Variants in LGR4 observed in about 807,000 individuals in gnomAD.
LGR4 encodes leucine-rich repeat-containing G protein-coupled receptor 4.
A neutral mutation model predicts 84.8 loss-of-function variants in LGR4; 44 were observed. That is an observed-to-expected ratio of 0.52 (90% CI 0.41 to 0.67). LGR4 has a LOEUF of 0.67. LGR4 is among the 30% of genes least tolerant of loss of function. LGR4 has a pLI of 0.00. For missense variants in LGR4, 1,032 were observed against 1,131.4 expected, an observed-to-expected ratio of 0.91 and a Z score of 1.26; for synonymous variants, 429 against 434.3, an observed-to-expected ratio of 0.99 and a Z score of 0.15.
chr11:27,445,453 G>A (rs144595465), intron 1 of LGR4, among the ~76,000 whole-genome samples: 3 of 152,144 alleles, frequency 2.0e-5, no homozygotes, highest in East Asian at 1.9e-4. Flanking sequence ...CTGTTATGAC[G>A]ATCAAGTAAA....
chr11:27,368,911 T>G lies in LGR4; in HGVS notation c.1812A>C (p.Arg604Ser). 1 of 1,614,188 alleles carries G rather than the reference T, an allele frequency of 6.2e-7. No homozygotes were observed. The highest frequency in any genetic ancestry group is 1.6e-4 in the Middle Eastern group (1 of 6,062). The change falls in exon 18 of 18, where the codon AGA (arginine) becomes AGC (serine). Residue 604 changes from arginine (R) to serine (S), a missense_variant. By Grantham distance (110) the Arg-to-Ser change is moderately radical. Coordinates refer to ENST00000379214, the MANE Select transcript of LGR4 (RefSeq NM_018490.5). ...CCCACCAAATGCCAAATTCAGCGAA[T>G]CTGCCCCAGGACACAGCATCAAGAA... is the stretch of plus-strand genomic sequence containing the variant. ...LTFLDAVSWGRFAEFGIWWET... is the reference protein window; with the variant it reads ...LTFLDAVSWGSFAEFGIWWET...
chr11:27,407,864 T>G (rs768596401), intron 2 of LGR4, among the ~76,000 whole-genome samples: 8 of 152,066 alleles, frequency 5.3e-5, no homozygotes, highest in Non-Finnish European at 1.2e-4. Flanking sequence ...AAACTTACTC[T>G]CAAATGGTTC....
At chr11:27,412,283 CTAGACAGTGT>C (rs1208051265) in intron 2 of LGR4, among the ~76,000 whole-genome samples, 1 of 152,074 alleles carries the variant, frequency 6.6e-6, no homozygotes, top group Admixed American at 6.6e-5. Context: ...TCTTAGAGAC[CTAGACAGTGT>C]TTCATGCCTT....
At chr11:27,461,836 ATTTTTTT>A (rs35205372) in intron 1 of LGR4, among the ~76,000 whole-genome samples, 2 of 76,580 alleles carry the variant, frequency 2.6e-5, no homozygotes, top group African/African-American at 5.2e-5. Flanking sequence ...TTGAGTTAGG[ATTTTTTT>A]TTTTTTTTTT....
At chr11:27,415,057 A>C (rs1466211719) in intron 1 of LGR4, among the ~76,000 whole-genome samples, 1 of 152,122 alleles carries the variant, frequency 6.6e-6, no homozygotes, top group Non-Finnish European at 1.5e-5. Context: ...TTACTAAGTC[A>C]CTCTCACGGG....
intron 1 of LGR4, among the ~76,000 whole-genome samples, chr11:27,414,374 C>T (rs535748028): frequency 6.6e-6 from 1 of 150,878 alleles, no homozygotes; most frequent in East Asian, 2.0e-4. Flanking sequence ...TGGAAGAGCA[C>T]TTTTGCTTGA....
intron 1 of LGR4, among the ~76,000 whole-genome samples, chr11:27,447,100 G>T (rs983674786): frequency 6.6e-6 from 1 of 151,888 alleles, no homozygotes; most frequent in Non-Finnish European, 1.5e-5. Flanking sequence ...CAAGTTAACG[G>T]GTGCAGCACA....
rs568639443 is a variant in LGR4, at chr11:27,388,052, C to T, written c.402-2584G>A. Among the ~76,000 whole-genome samples, 3 of 152,170 alleles carry T rather than the reference C, an allele frequency of 2.0e-5. No individual in the cohort carries two copies. In the South Asian group the frequency reaches 6.2e-4, roughly 32 times the overall value. On this transcript the variant is annotated intron_variant, in intron 4 of 17. Coordinates refer to ENST00000379214, the MANE Select transcript of LGR4 (RefSeq NM_018490.5). ...TTCTATACAAAATAGCATAATACAA[C>T]AATAAAAGCATGGATACAATTTCCT... is the stretch of plus-strand genomic sequence containing the variant.
chr11:27,465,312 G>A (rs947651881), intron 1 of LGR4, among the ~76,000 whole-genome samples: 1 of 152,204 alleles, frequency 6.6e-6, no homozygotes, highest in African/African-American at 2.4e-5. Context: ...TATTAGAAAG[G>A]CATTGCTGAA....
chr11:27,459,315 G>C (rs80235178), intron 1 of LGR4, among the ~76,000 whole-genome samples: 2,875 of 152,106 alleles, frequency 0.019, 86 homozygotes, highest in African/African-American at 0.065. Context: ...AGAAACTCAG[G>C]CTCGAGTAAC....
At chr11:27,448,520 G>T (rs1395619245) in intron 1 of LGR4, among the ~76,000 whole-genome samples, 1 of 152,030 alleles carries the variant, frequency 6.6e-6, no homozygotes, top group South Asian at 2.1e-4. Context: ...TCGAACTCCC[G>T]ACCTCAGGTG....
intron 17 of LGR4, among the ~76,000 whole-genome samples, chr11:27,371,363 T>G (rs1388715583): frequency 2.0e-5 from 3 of 152,190 alleles, no homozygotes; most frequent in Non-Finnish European, 2.9e-5. Context: ...GCCTCTGAAA[T>G]TCTAACGTGT....
At position 27,386,455 on chromosome 11, in the gene LGR4, A is replaced by G. The variant is rs547381937; in HGVS notation, c.402-987T>C. Among the ~76,000 whole-genome samples, 7 of 152,284 alleles carry G rather than the reference A, an allele frequency of 4.6e-5. 1 individual carries two copies. The Middle Eastern group carries it at 0.02, about 444-fold the overall frequency. The stretch of plus-strand genomic sequence containing the variant: ...TTACATTCATGCCTCACAGCCTTGG[A>G]CTTCTTTGTGAAAATTACAGAACAG... On this transcript the variant is annotated intron_variant, in intron 4 of 17. Coordinates refer to ENST00000379214, the MANE Select transcript of LGR4 (RefSeq NM_018490.5).
chr11:27,471,983 C>G (rs1864881475), intron 1 of LGR4, 135 bp downstream of exon 1: 2 of 540,976 alleles, frequency 3.7e-6, no homozygotes, highest in African/African-American at 4.0e-5. Context: ...CGCAGGTGAC[C>G]GGCGGACCCC....
chr11:27,471,253 GTCTC>G (rs1565104510), intron 1 of LGR4, among the ~76,000 whole-genome samples: 3 of 152,342 alleles, frequency 2.0e-5, no homozygotes, highest in Admixed American at 2.0e-4. Context: ...ATTTCAGTGT[GTCTC>G]TCGATCTCAG....
chr11:27,434,025 T>A (rs1016812000), intron 1 of LGR4, among the ~76,000 whole-genome samples: 1 of 152,224 alleles, frequency 6.6e-6, no homozygotes, highest in African/African-American at 2.4e-5. Flanking sequence ...ATATCTCCCC[T>A]ACCTCAGGGC....
At chr11:27,373,715 A>C in intron 14 of LGR4, 39 bp from the exon 15 acceptor site, 1 of 1,501,206 alleles carries the variant, frequency 6.7e-7, no homozygotes, top group Non-Finnish European at 9.0e-7. Context: ...TGCCCAATAT[A>C]TAAATCACAT....
intron 12 of LGR4, among the ~76,000 whole-genome samples, chr11:27,376,870 C>G (rs1421227959): frequency 6.6e-6 from 1 of 152,198 alleles, no homozygotes; most frequent in East Asian, 1.9e-4. Context: ...GCATTCATGT[C>G]TGGTTTCCCT....
chr11:27,373,277 T>C (rs925902194), intron 15 of LGR4: 1 of 250,614 alleles, frequency 4.0e-6, no homozygotes, highest in Non-Finnish European at 7.5e-6. Flanking sequence ...TGCCATCTTA[T>C]TGCTAATGAA....
Sources: gnomAD v4.1 joint callset for allele counts (sites outside exome capture counted in the v4.1 genomes callset) on GRCh38, gnomAD v4.1.1 for gene constraint, MANE v1.5 for transcripts, NCBI Gene and HGNC (gene_info 2026-07-23, HGNC 2026-07-21) for gene names.